The following ZBTB20 variants were observed in gnomAD, a reference collection of about 807,000 sequenced individuals.
ZBTB20 encodes the protein zinc finger and BTB domain containing 20.
In ZBTB20, 9 loss-of-function variants were observed where a neutral mutation model predicts 56.9. The ratio of observed to expected loss-of-function variants is 0.16; its 90% confidence interval spans 0.10 to 0.28. ZBTB20 has a LOEUF of 0.28. Among genes scored for constraint, ZBTB20 ranks in the 10% least tolerant of loss-of-function variants. ZBTB20 has a pLI of 1.00. For synonymous variants in ZBTB20, 417 were observed against 420.7 expected, an observed-to-expected ratio of 0.99 and a Z score of 0.11; for missense variants, 655 against 1,003.0, an observed-to-expected ratio of 0.65 and a Z score of 4.69.
chr3:114,325,147 T>C lies in ZBTB20; in HGVS notation c.*13858A>G, dbSNP rs775795095. ...TAGTGTAGGAACAATTTTAATTAGA[T>C]ATATGCAAATTACCCTTAATTTATA... On this transcript the variant is annotated 3_prime_UTR_variant, in exon 12 of 12. Transcript: ENST00000675478. 2 of 152,156 alleles carry C rather than the reference T, an allele frequency of 1.3e-5. No homozygotes were observed. The highest frequency in any genetic ancestry group is 6.5e-5 in the Admixed American group (1 of 15,268). The allele number at this position is 152,156 out of a possible 1,614,324, so 9.4% of individuals were successfully genotyped here.
intron 1 of ZBTB20, among the ~76,000 whole-genome samples, chr3:115,118,499 A>G (rs753938787): frequency 2.6e-5 from 4 of 152,152 alleles, no homozygotes; most frequent in Non-Finnish European, 4.4e-5. Flanking sequence ...ACTTTAACCT[A>G]GGTCAACCAG....
intron 1 of ZBTB20, among the ~76,000 whole-genome samples, chr3:115,136,696 T>G (rs1422031104): frequency 6.6e-6 from 1 of 152,100 alleles, no homozygotes; most frequent in Non-Finnish European, 1.5e-5. Flanking sequence ...CTTATACACT[T>G]TGGTAATTCG....
At chr3:115,107,171 A>C (rs2083746890) in intron 1 of ZBTB20, among the ~76,000 whole-genome samples, 1 of 152,222 alleles carries the variant, frequency 6.6e-6, no homozygotes, top group Non-Finnish European at 1.5e-5. Context: ...TCATGCCTGT[A>C]ATCTCAGCAC....
chr3:115,130,570 C>A (rs539642235), intron 1 of ZBTB20, among the ~76,000 whole-genome samples: 65 of 152,126 alleles, frequency 4.3e-4, no homozygotes, highest in Non-Finnish European at 6.5e-4. Flanking sequence ...GTTTATTTGG[C>A]CTGAAATGCT....
intron 2 of ZBTB20, among the ~76,000 whole-genome samples, chr3:115,005,642 G>C (rs1467733433): frequency 2.0e-5 from 3 of 151,762 alleles, no homozygotes; most frequent in African/African-American, 7.2e-5. Context: ...AAGAGAGAGA[G>C]TAGGTAACAA....
chr3:114,917,971 G>A (rs933007552), intron 3 of ZBTB20, among the ~76,000 whole-genome samples: 15 of 149,844 alleles, frequency 1.0e-4, no homozygotes, highest in Non-Finnish European at 1.6e-4. Context: ...TCATGGCACC[G>A]AATGCCCCCG....
At chr3:115,087,831 T>G (rs1301053456) in intron 1 of ZBTB20, among the ~76,000 whole-genome samples, 1 of 151,964 alleles carries the variant, frequency 6.6e-6, no homozygotes, top group Non-Finnish European at 1.5e-5. Context: ...ATCAGTTATT[T>G]TCCCTCCTTT....
At chr3:114,462,099 T>G (rs914021060) in intron 7 of ZBTB20, among the ~76,000 whole-genome samples, 5 of 152,206 alleles carry the variant, frequency 3.3e-5, no homozygotes, top group African/African-American at 1.2e-4. Flanking sequence ...ATCATGCATA[T>G]GAAAACACTT....
At chr3:114,724,258 T>C (rs773139870) in intron 5 of ZBTB20, among the ~76,000 whole-genome samples, 1 of 152,200 alleles carries the variant, frequency 6.6e-6, no homozygotes, top group East Asian at 1.9e-4. Context: ...GGGGCTTCCA[T>C]TGTTCTCTCT....
At chr3:114,403,167 G>A (rs1308686967) in intron 7 of ZBTB20, among the ~76,000 whole-genome samples, 1 of 152,062 alleles carries the variant, frequency 6.6e-6, no homozygotes, top group African/African-American at 2.4e-5. Flanking sequence ...GAGAAATGGT[G>A]GATGCTTTTT....
intron 2 of ZBTB20, among the ~76,000 whole-genome samples, chr3:115,021,790 T>A (rs960325752): frequency 1.3e-5 from 2 of 150,860 alleles, no homozygotes; most frequent in Non-Finnish European, 3.0e-5. Flanking sequence ...AATGTTTGTA[T>A]ATTTGTCAAA....
At chr3:114,683,678 C>G (rs935119036) in intron 6 of ZBTB20, among the ~76,000 whole-genome samples, 1 of 152,112 alleles carries the variant, frequency 6.6e-6, no homozygotes, top group South Asian at 2.1e-4. Flanking sequence ...AGAGTTTCCC[C>G]AGGGCATTAA....
intron 4 of ZBTB20, among the ~76,000 whole-genome samples, chr3:114,862,790 G>A (rs1424857780): frequency 2.0e-5 from 3 of 152,114 alleles, no homozygotes; most frequent in Non-Finnish European, 4.4e-5. Flanking sequence ...TTGTAAGTTG[G>A]GGGCATCATA....
At chr3:114,345,000 T>C (rs1020958613) in intron 11 of ZBTB20, among the ~76,000 whole-genome samples, 1 of 151,624 alleles carries the variant, frequency 6.6e-6, no homozygotes, top group African/African-American at 2.4e-5. Context: ...CACGAAAGTG[T>C]GAACACAGAT....
intron 2 of ZBTB20, among the ~76,000 whole-genome samples, chr3:114,995,129 T>C (rs1458646956): frequency 1.3e-5 from 2 of 151,986 alleles, no homozygotes; most frequent in East Asian, 1.9e-4. Flanking sequence ...ACTGAAAGCA[T>C]ATGCATTAAC....
At chr3:114,494,917 C>G (rs950718284) in intron 7 of ZBTB20, among the ~76,000 whole-genome samples, 1 of 152,144 alleles carries the variant, frequency 6.6e-6, no homozygotes, top group Non-Finnish European at 1.5e-5. Flanking sequence ...TCGAAGATTC[C>G]AACACTTTGG....
At chr3:114,890,518 G>A (rs138639994) in intron 4 of ZBTB20, among the ~76,000 whole-genome samples, 8 of 152,198 alleles carry the variant, frequency 5.3e-5, no homozygotes, top group Middle Eastern at 3.4e-3. Context: ...ACCAAATACC[G>A]CATGTTCTCA....
At position 114,988,875 on chromosome 3, in the gene ZBTB20, C is replaced by T. The variant is rs574833459; in HGVS notation, c.-506-14459G>A. On this transcript the variant is annotated intron_variant, in intron 2 of 11. Transcript: ENST00000675478. ...AGTGATGATGAGCATTTTTTCATGTCTCTGTTGGCTGCATAAATGTCTTCT... is the reference window on the plus strand; with the variant it reads ...AGTGATGATGAGCATTTTTTCATGTTTCTGTTGGCTGCATAAATGTCTTCT... 3.9e-5 allele frequency among the ~76,000 whole-genome samples: 6 copies of T among 152,122 alleles called. No individual in the cohort carries two copies. In the East Asian group the frequency reaches 1.2e-3, roughly 29 times the overall value.
chr3:114,448,981 C>T (rs192171443), intron 7 of ZBTB20, among the ~76,000 whole-genome samples: 41 of 152,188 alleles, frequency 2.7e-4, no homozygotes, highest in African/African-American at 7.7e-4. Flanking sequence ...TACTGACTGA[C>T]ACTGAAAGGT....
Sources: gnomAD v4.1 joint callset for allele counts (sites outside exome capture counted in the v4.1 genomes callset) on GRCh38, gnomAD v4.1.1 for gene constraint, MANE v1.5 for transcripts, NCBI Gene and HGNC (gene_info 2026-07-23, HGNC 2026-07-21) for gene names.